NLGN4X: variants seen among roughly 807,000 people sequenced by gnomAD.
NLGN4X encodes neuroligin-4, X-linked.
A neutral mutation model predicts 40.3 loss-of-function variants in NLGN4X; 3 were observed. The ratio of observed to expected loss-of-function variants is 0.07; its 90% CI spans 0.03 to 0.19. The LOEUF is 0.19. Among genes scored for constraint, NLGN4X ranks in the 10% least tolerant of loss-of-function variants. The probability of loss-of-function intolerance (pLI) is 1.00; values close to 1 mark genes in which losing one functional copy is unlikely to be tolerated. For synonymous variants in NLGN4X, 270 were observed against 306.8 expected, an observed-to-expected ratio of 0.88 and a Z score of 1.25; for missense variants, 382 against 708.3, an observed-to-expected ratio of 0.54 and a Z score of 5.23.
At chrX:6,161,654 G>T (rs2147743836) in intron 1 of NLGN4X, among the ~76,000 whole-genome samples, 2 of 107,629 alleles carry the variant, frequency 1.9e-5, no homozygotes, top group South Asian at 7.8e-4. Context: ...TTATATTTAG[G>T]AGTTTAATTG....
At chrX:5,909,854 G>A (rs971819108) in intron 3 of NLGN4X, among the ~76,000 whole-genome samples, 7 of 110,584 alleles carry the variant, frequency 6.3e-5, no homozygotes, top group African/African-American at 9.9e-5. Flanking sequence ...CCTACATAGC[G>A]AAAATATTAG....
intron 3 of NLGN4X, among the ~76,000 whole-genome samples, chrX:6,010,794 T>C (rs1233858963): frequency 1.8e-5 from 2 of 110,999 alleles, no homozygotes; most frequent in African/African-American, 6.5e-5. Context: ...CCCAACGTGC[T>C]GGGATAACAG....
intron 2 of NLGN4X, among the ~76,000 whole-genome samples, chrX:6,051,665 A>G (rs775717771): frequency 2.4e-4 from 27 of 111,344 alleles, no homozygotes; most frequent in Admixed American, 3.8e-4. Flanking sequence ...TCTGGCCTCC[A>G]GAACCGGGAG....
intron 3 of NLGN4X, among the ~76,000 whole-genome samples, chrX:5,969,571 T>C (rs1438202411): frequency 7.2e-5 from 8 of 111,372 alleles, no homozygotes. Context: ...TTTACACTGT[T>C]GGCGGGACTG....
At chrX:6,050,108 C>T (rs1350256368) in intron 2 of NLGN4X, among the ~76,000 whole-genome samples, 1 of 111,711 alleles carries the variant, frequency 9.0e-6, no homozygotes, top group Non-Finnish European at 1.9e-5. Flanking sequence ...GGTAAGCTTC[C>T]TCCCACTGTA....
At chrX:5,924,375 A>C (rs1334542854) in intron 3 of NLGN4X, among the ~76,000 whole-genome samples, 2 of 111,409 alleles carry the variant, frequency 1.8e-5, no homozygotes, top group Non-Finnish European at 3.8e-5. Context: ...AAAAAAAAAA[A>C]ACCTCTCTAA....
intron 3 of NLGN4X, among the ~76,000 whole-genome samples, chrX:5,918,133 T>C (rs772389015): frequency 2.7e-5 from 3 of 110,812 alleles, no homozygotes; most frequent in Non-Finnish European, 5.7e-5. Context: ...TCCATAGATA[T>C]CTTGAAAAAT....
chrX:6,033,032 G>GT (rs1000247282), intron 2 of NLGN4X, among the ~76,000 whole-genome samples: 2 of 17,165 alleles, frequency 1.2e-4, no homozygotes, highest in Non-Finnish European at 2.6e-4. Flanking sequence ...TTAAAATGAT[G>GT]CTACTGCAAA....
chrX:5,898,761 T>C (rs1402961814), intron 5 of NLGN4X, among the ~76,000 whole-genome samples: 1 of 112,265 alleles, frequency 8.9e-6, no homozygotes, highest in African/African-American at 3.2e-5. Context: ...TGCCCTCCTG[T>C]TCTGTGAGTC....
chrX:6,082,946 GCGTTTTTTTCTTTTTT>G (rs2038390235), intron 2 of NLGN4X, among the ~76,000 whole-genome samples: 2 of 69,524 alleles, frequency 2.9e-5, no homozygotes, highest in Non-Finnish European at 6.5e-5. Context: ...TTGCCATGAT[GCGTTTTTTTCTTTTTT>G]TTTTTTTTTT....
chrX:6,028,642 G>C (rs764566988), intron 3 of NLGN4X, among the ~76,000 whole-genome samples: 29 of 101,988 alleles, frequency 2.8e-4, no homozygotes, highest in Admixed American at 2.6e-3. Flanking sequence ...CTGGGCGACA[G>C]AGTGAGATTC....
chrX:6,075,150 G>A (rs189197951), intron 2 of NLGN4X, among the ~76,000 whole-genome samples: 87 of 111,703 alleles, frequency 7.8e-4, no homozygotes, highest in African/African-American at 2.6e-3. Context: ...TCACAGAAAC[G>A]ACTAATGACA....
chrX:5,930,569 A>G (rs916472063), intron 3 of NLGN4X, among the ~76,000 whole-genome samples: 3 of 112,495 alleles, frequency 2.7e-5, no homozygotes, highest in South Asian at 3.7e-4. Context: ...ATGAATTCCA[A>G]TAAATATATT....
chrX:6,139,882 C>T (rs919897829), intron 2 of NLGN4X, among the ~76,000 whole-genome samples: 19 of 111,256 alleles, frequency 1.7e-4, no homozygotes, highest in Non-Finnish European at 3.4e-4. Flanking sequence ...TCTAAAATGC[C>T]TCTAAAGAAA....
At chrX:6,076,618 T>A (rs1050284188) in intron 2 of NLGN4X, among the ~76,000 whole-genome samples, 6 of 112,320 alleles carry the variant, frequency 5.3e-5, no homozygotes, top group African/African-American at 1.9e-4. Flanking sequence ...ATAAATGCTC[T>A]GAGACCAGAG....
intron 2 of NLGN4X, among the ~76,000 whole-genome samples, chrX:6,146,957 A>C (rs2040060375): frequency 9.1e-6 from 1 of 109,758 alleles, no homozygotes; most frequent in Non-Finnish European, 1.9e-5. Context: ...TGCCCAGCTA[A>C]TTTTTTGTAT....
intron 3 of NLGN4X, among the ~76,000 whole-genome samples, chrX:5,927,180 T>G (rs2033365939): frequency 9.0e-6 from 1 of 111,696 alleles, no homozygotes. Flanking sequence ...TAGAAAAATA[T>G]AAAAGACTGT....
At chrX:6,032,405 C>CAAAAA (rs34229775) in intron 2 of NLGN4X, among the ~76,000 whole-genome samples, 2 of 65,674 alleles carry the variant, frequency 3.0e-5, no homozygotes, top group Non-Finnish European at 6.0e-5. Context: ...GCGACCAAGC[C>CAAAAA]AAAAAAAAAA....
Position 6,006,763 on chromosome X carries a change from AAATG to A in NLGN4X, c.625+22513_625+22516del, listed in dbSNP as rs753936656. ...TTTTAAGTAATTATAATAAAAATGA[AAATG>A]AATGACATTTTGAAAAACGTCAAAA... On this transcript the variant is annotated intron_variant, in intron 3 of 5. Transcript: ENST00000381095. 4.0e-3 allele frequency among the ~76,000 whole-genome samples: 452 copies of A among 112,093 alleles called. 5 individuals carry two copies. Among genetic ancestry groups the A allele is most frequent in the African/African-American group, 0.014 (427 of 30,893 alleles).
Sources: gnomAD v4.1 joint callset for allele counts (sites outside exome capture counted in the v4.1 genomes callset) on GRCh38, gnomAD v4.1.1 for gene constraint, MANE v1.5 for transcripts, NCBI Gene and HGNC (gene_info 2026-07-23, HGNC 2026-07-21) for gene names.